CTTNBP2: variants seen among roughly 807,000 people sequenced by gnomAD.
The protein encoded by CTTNBP2 is cortactin-binding protein 2.
CTTNBP2 carries 108 observed loss-of-function variants against 156.9 expected under a neutral mutation model. The observed-to-expected ratio is 0.69, with a 90% CI of 0.59 to 0.81. The LOEUF is 0.81. CTTNBP2 is among the 30% of genes least tolerant of loss of function. The pLI is 0.00. For missense variants in CTTNBP2, 1,924 were observed against 2,035.4 expected, an observed-to-expected ratio of 0.95 and a Z score of 1.05; for synonymous variants, 767 against 751.8, an observed-to-expected ratio of 1.02 and a Z score of -0.33.
At chr7:117,712,852 C>T (rs1794133414) in intron 22 of CTTNBP2, among the ~76,000 whole-genome samples, 1 of 152,178 alleles carries the variant, frequency 6.6e-6, no homozygotes, top group Non-Finnish European at 1.5e-5. Flanking sequence ...CCAAAGAACG[C>T]CTAGCTTAAC....
Position 117,718,096 on chromosome 7 carries a change from TAAATCATCCCTGG to T in CTTNBP2, c.4655_4667del (p.Ser1552Ter). 6.2e-7 allele frequency: 1 copy of T among 1,612,174 alleles called. No homozygotes were observed. The highest frequency in any genetic ancestry group is 8.5e-7 in the Non-Finnish European group (1 of 1,178,502). ...TGTTTCCAGAACTATCAAACATCCT[TAAATCATCCCTGG>T]AATCAGCAATCTAGAAAATACAGAA... On this transcript the variant is annotated frameshift_variant, in exon 22 of 23. Coordinates refer to ENST00000160373, the MANE Select transcript of CTTNBP2 (RefSeq NM_033427.3). LOFTEE classifies it high-confidence loss of function.
chr7:117,717,380 A>T (rs1003480756), intron 22 of CTTNBP2, among the ~76,000 whole-genome samples: 1 of 150,738 alleles, frequency 6.6e-6, no homozygotes, highest in Non-Finnish European at 1.5e-5. Context: ...TTGTTTTGTT[A>T]TAATTAACTC....
chr7:117,816,885 A>G (rs1438605856), intron 2 of CTTNBP2, among the ~76,000 whole-genome samples: 1 of 152,162 alleles, frequency 6.6e-6, no homozygotes, highest in Non-Finnish European at 1.5e-5. Flanking sequence ...TAAAAAAGGA[A>G]GAGCTGAATA....
chr7:117,712,510 AAACT>A (rs1794114475), intron 22 of CTTNBP2: 1 of 152,210 alleles, frequency 6.6e-6, no homozygotes, highest in Non-Finnish European at 1.5e-5. Flanking sequence ...TAAATTCTGC[AAACT>A]AACAAACATG....
intron 12 of CTTNBP2, among the ~76,000 whole-genome samples, chr7:117,754,958 C>T (rs763570360): frequency 5.3e-5 from 8 of 152,170 alleles, no homozygotes; most frequent in Non-Finnish European, 8.8e-5. Flanking sequence ...TGGGTCAGAA[C>T]CTTGCCTTGT....
intron 2 of CTTNBP2, among the ~76,000 whole-genome samples, chr7:117,811,245 CT>C (rs1253295572): frequency 6.6e-6 from 1 of 152,040 alleles, no homozygotes; most frequent in Admixed American, 6.6e-5. Flanking sequence ...TAGTTATTTC[CT>C]ATGGTGCCCT....
intron 3 of CTTNBP2, among the ~76,000 whole-genome samples, chr7:117,801,571 G>C (rs1456834910): frequency 3.3e-5 from 5 of 152,318 alleles, no homozygotes; most frequent in African/African-American, 9.6e-5. Flanking sequence ...TAGAAAAAAT[G>C]CTGTTTCAAT....
At chr7:117,860,382 G>T (rs963811347) in intron 2 of CTTNBP2, among the ~76,000 whole-genome samples, 3 of 149,950 alleles carry the variant, frequency 2.0e-5, no homozygotes, top group Non-Finnish European at 4.4e-5. Context: ...TTGCTCTGTC[G>T]CCCAGGCTGG....
chr7:117,732,649 C>CAAAA (rs397710322), intron 16 of CTTNBP2, among the ~76,000 whole-genome samples: 5 of 43,004 alleles, frequency 1.2e-4, no homozygotes, highest in African/African-American at 2.6e-4. Context: ...GACTCCGTCT[C>CAAAA]AAAAAAAAAA....
chr7:117,751,798 T>C (rs1562972769), intron 12 of CTTNBP2, among the ~76,000 whole-genome samples: 1 of 152,190 alleles, frequency 6.6e-6, no homozygotes, highest in Admixed American at 6.5e-5. Flanking sequence ...CATAAAACTA[T>C]AAGATGGAAC....
In CTTNBP2 at chr7:117,711,642, T is replaced by G. The variant is rs199928996; in HGVS notation, c.4887A>C (p.Arg1629Ser). ...KVTQCSQNTKRSSSSSNTRQI... is the reference protein window; with the variant it reads ...KVTQCSQNTKSSSSSSNTRQI... ...GCCTTGTATTACTGCTGCTGCTGCT[T>G]CTTTTGGTGTTCTGGGAACACTGGG... The change falls in exon 23 of 23, where the codon AGA (arginine) becomes AGC (serine). Residue 1629 changes from arginine (R) to serine (S), a missense_variant. Coordinates refer to ENST00000160373, the MANE Select transcript of CTTNBP2 (RefSeq NM_033427.3). 1.5e-4 allele frequency: 237 copies of G among 1,614,054 alleles called. No homozygotes were observed. Among genetic ancestry groups the G allele is most frequent in the East Asian group, 5.6e-4 (25 of 44,868 alleles).
At chr7:117,786,745 A>T (rs1044380680) in intron 4 of CTTNBP2, among the ~76,000 whole-genome samples, 1 of 152,156 alleles carries the variant, frequency 6.6e-6, no homozygotes, top group Non-Finnish European at 1.5e-5. Context: ...TTCACCATAA[A>T]TCTAGGCTTT....
intron 11 of CTTNBP2, 111 bp from the exon 12 acceptor site, chr7:117,756,745 G>A: frequency 1.3e-6 from 1 of 788,486 alleles, no homozygotes; most frequent in Non-Finnish European, 2.2e-6. Context: ...ACTTATGTAG[G>A]CAGAGCTGAC....
intron 10 of CTTNBP2, 38 bp from the exon 11 acceptor site, chr7:117,758,008 T>C (rs749355438): frequency 3.4e-6 from 5 of 1,487,954 alleles, no homozygotes; most frequent in Non-Finnish European, 4.6e-6. Flanking sequence ...CAAGGGAAGC[T>C]TATGAGTGGT....
intron 3 of CTTNBP2, among the ~76,000 whole-genome samples, chr7:117,796,518 T>C (rs989572463): frequency 6.6e-6 from 1 of 152,244 alleles, no homozygotes; most frequent in Non-Finnish European, 1.5e-5. Context: ...TACTAAATTC[T>C]GATCCCGAAC....
At chr7:117,821,737 G>A (rs1002961660) in intron 2 of CTTNBP2, among the ~76,000 whole-genome samples, 1 of 151,644 alleles carries the variant, frequency 6.6e-6, no homozygotes, top group Non-Finnish European at 1.5e-5. Context: ...TACAGGCGCC[G>A]GCCACCAGGC....
At chr7:117,777,452 CA>C in intron 8 of CTTNBP2, 58 bp downstream of exon 8, 1 of 1,557,114 alleles carries the variant, frequency 6.4e-7, no homozygotes, top group East Asian at 2.3e-5. Flanking sequence ...CTATAGCAGA[CA>C]ACTTTGCTGC....
chr7:117,837,586 A>G (rs1258192349), intron 2 of CTTNBP2, among the ~76,000 whole-genome samples: 3 of 152,214 alleles, frequency 2.0e-5, no homozygotes, highest in South Asian at 2.1e-4. Context: ...ACACAGTAAG[A>G]TATCTTAGGG....
intron 2 of CTTNBP2, among the ~76,000 whole-genome samples, chr7:117,831,917 C>G (rs903556238): frequency 2.0e-5 from 3 of 152,156 alleles, no homozygotes; most frequent in African/African-American, 7.2e-5. Context: ...ATCTGTGCTG[C>G]CTTCTCCACT....
Sources: allele counts gnomAD v4.1 joint callset (sites outside exome capture counted in the v4.1 genomes callset), GRCh38; gene constraint gnomAD v4.1.1; transcripts MANE v1.5; gene names NCBI Gene and HGNC (gene_info 2026-07-23, HGNC 2026-07-21).